Variants in DTNBP1 observed in about 807,000 individuals in gnomAD.
The protein encoded by DTNBP1 is dysbindin.
DTNBP1 carries 35 observed loss-of-function variants against 42.8 expected under a neutral mutation model. The observed-to-expected ratio is 0.82, with a 90% CI of 0.63 to 1.09. DTNBP1 has a LOEUF of 1.09. Among genes scored for constraint, DTNBP1 ranks in the 50% least tolerant of loss-of-function variants. DTNBP1 has a pLI of 0.00. For synonymous variants in DTNBP1, 171 were observed against 162.2 expected, an observed-to-expected ratio of 1.05 and a Z score of -0.41; for missense variants, 457 against 424.2, an observed-to-expected ratio of 1.08 and a Z score of -0.68.
chr6:15,562,595 T>C (rs991651121), intron 7 of DTNBP1, among the ~76,000 whole-genome samples: 2 of 152,222 alleles, frequency 1.3e-5, no homozygotes, highest in Non-Finnish European at 2.9e-5. Flanking sequence ...TTTAAATTGC[T>C]GTGTCTAGGC....
chr6:15,662,292 C>A (rs1386717231), intron 1 of DTNBP1, among the ~76,000 whole-genome samples: 1 of 152,228 alleles, frequency 6.6e-6, no homozygotes, highest in Non-Finnish European at 1.5e-5. Flanking sequence ...AAGGGTTAGG[C>A]CGGCGAGCCG....
intron 6 of DTNBP1, among the ~76,000 whole-genome samples, chr6:15,600,680 GT>G (rs1249846356): frequency 6.6e-6 from 1 of 152,232 alleles, no homozygotes; most frequent in Non-Finnish European, 1.5e-5. Context: ...CAAGGACAGA[GT>G]CAGGAAATAT....
intron 1 of DTNBP1, among the ~76,000 whole-genome samples, chr6:15,652,944 C>A (rs1200110222): frequency 6.6e-6 from 1 of 152,154 alleles, no homozygotes. Context: ...TTCTTACTTA[C>A]CCCAAGCCCC....
chr6:15,640,501 T>C (rs1760282132), intron 3 of DTNBP1, among the ~76,000 whole-genome samples: 1 of 152,194 alleles, frequency 6.6e-6, no homozygotes, highest in Non-Finnish European at 1.5e-5. Flanking sequence ...GGAAGACTAG[T>C]GGAAGTGTTC....
chr6:15,588,858 T>C (rs528919093), intron 7 of DTNBP1, among the ~76,000 whole-genome samples: 32 of 152,384 alleles, frequency 2.1e-4, no homozygotes, highest in Middle Eastern at 3.4e-3. Context: ...GTACTCGTCA[T>C]TCAGATCAAG....
chr6:15,602,123 T>C (rs773614840), intron 6 of DTNBP1, among the ~76,000 whole-genome samples: 1 of 152,162 alleles, frequency 6.6e-6, no homozygotes, highest in African/African-American at 2.4e-5. Flanking sequence ...CCAGTAGCAA[T>C]TGTTTCAATT....
chr6:15,651,752 C>G (rs1282340675), intron 2 of DTNBP1, among the ~76,000 whole-genome samples: 1 of 152,160 alleles, frequency 6.6e-6, no homozygotes, highest in African/African-American at 2.4e-5. Context: ...TGAAGAGGCT[C>G]ATTTGCCAAG....
intron 7 of DTNBP1, among the ~76,000 whole-genome samples, chr6:15,583,621 T>A (rs1464977029): frequency 6.6e-6 from 1 of 152,212 alleles, no homozygotes; most frequent in Admixed American, 6.5e-5. Flanking sequence ...TTTCTTTTTG[T>A]GGTTTTAAAA....
chr6:15,662,841 A>T lies in DTNBP1; in HGVS notation c.29T>A (p.Leu10Gln). The T allele has an allele frequency of 6.2e-7, 1 of 1,609,868 alleles. No individual in the cohort carries two copies. Among genetic ancestry groups the T allele is most frequent in the Non-Finnish European group, 8.5e-7 (1 of 1,179,490 alleles). ...GGAGGTGAAATCCTGCTGCACGCTC[A>T]GCAGCCGCTCGCGAAGGGTCTCCAG... MLETLRERLLSVQQDFTSGL... is the reference protein window; with the variant it reads MLETLRERLQSVQQDFTSGL... The change falls in exon 1 of 10, where the codon CTG (leucine) becomes CAG (glutamine). Residue 10 changes from leucine to glutamine, a missense_variant. Leu to Gln is a moderately radical substitution (Grantham distance 113). Coordinates refer to ENST00000344537, the MANE Select transcript of DTNBP1 (RefSeq NM_032122.5).
intron 7 of DTNBP1, among the ~76,000 whole-genome samples, chr6:15,539,406 T>C (rs762688848): frequency 2.0e-5 from 3 of 152,210 alleles, no homozygotes; most frequent in Non-Finnish European, 2.9e-5. Flanking sequence ...CCTACACTCC[T>C]AGCGCCTCTT....
intron 8 of DTNBP1, among the ~76,000 whole-genome samples, chr6:15,527,112 T>C: frequency 6.6e-6 from 1 of 152,328 alleles, no homozygotes; most frequent in Middle Eastern, 3.4e-3. Flanking sequence ...TCAAAATAGA[T>C]TTTAATGGGA....
At chr6:15,566,277 T>C (rs891467652) in intron 7 of DTNBP1, among the ~76,000 whole-genome samples, 12 of 140,720 alleles carry the variant, frequency 8.5e-5, no homozygotes, top group Non-Finnish European at 1.7e-4. Flanking sequence ...ATCCCGCCAC[T>C]GCACTCCAGC....
intron 6 of DTNBP1, among the ~76,000 whole-genome samples, chr6:15,612,067 GAAGA>G (rs1758437897): frequency 6.6e-6 from 1 of 152,172 alleles, no homozygotes; most frequent in Admixed American, 6.5e-5. Flanking sequence ...ATCTTTCCAG[GAAGA>G]AAGAGTCAAT....
chr6:15,624,564 C>T (rs1207735602), intron 5 of DTNBP1, among the ~76,000 whole-genome samples: 1 of 152,058 alleles, frequency 6.6e-6, no homozygotes, highest in African/African-American at 2.4e-5. Flanking sequence ...AAAGCAGGGC[C>T]TCTAGAGAGC....
At chr6:15,657,934 C>A (rs1761377972) in intron 1 of DTNBP1, among the ~76,000 whole-genome samples, 2 of 152,284 alleles carry the variant, frequency 1.3e-5, no homozygotes, top group East Asian at 1.9e-4. Flanking sequence ...TTTTAGAAAC[C>A]CCTTCCTCTT....
intron 6 of DTNBP1, chr6:15,614,972 CT>C: frequency 2.1e-6 from 1 of 474,516 alleles, no homozygotes; most frequent in Non-Finnish European, 3.9e-6. Flanking sequence ...TCATTTGCCT[CT>C]TGGAGAAAAC....
chr6:15,602,546 G>T (rs1392542819), intron 6 of DTNBP1, among the ~76,000 whole-genome samples: 1 of 152,108 alleles, frequency 6.6e-6, no homozygotes, highest in East Asian at 1.9e-4. Flanking sequence ...CACAGTAACT[G>T]ATGGAACATA....
At chr6:15,585,448 A>G (rs1241805186) in intron 7 of DTNBP1, among the ~76,000 whole-genome samples, 1 of 151,004 alleles carries the variant, frequency 6.6e-6, no homozygotes, top group Non-Finnish European at 1.5e-5. Flanking sequence ...CATATTGTAA[A>G]AAAAAAAAAA....
At chr6:15,523,262 A>ATT (rs1581686930) in intron 9 of DTNBP1, 43 bp from the exon 10 acceptor site, 2 of 1,612,320 alleles carry the variant, frequency 1.2e-6, no homozygotes, top group Non-Finnish European at 8.5e-7. Flanking sequence ...TCATAAAAAT[A>ATT]TTGTGAATCA....
Sources: allele counts gnomAD v4.1 joint callset (sites outside exome capture counted in the v4.1 genomes callset), GRCh38; gene constraint gnomAD v4.1.1; transcripts MANE v1.5; gene names NCBI Gene and HGNC (gene_info 2026-07-23, HGNC 2026-07-21).